The following GRIK2 variants were observed in gnomAD, a reference collection of about 807,000 sequenced individuals.
GRIK2 encodes glutamate receptor ionotropic, kainate 2.
Under a neutral mutation model 100.3 loss-of-function variants are expected in GRIK2, and 32 were observed. The ratio of observed to expected loss-of-function variants is 0.32; its 90% CI spans 0.24 to 0.43. The LOEUF is 0.43. GRIK2 is among the 20% of genes least tolerant of loss of function. The pLI, the probability that GRIK2 is intolerant of heterozygous loss-of-function variation, is 1.00. For missense variants in GRIK2, 843 were observed against 1,114.9 expected, an observed-to-expected ratio of 0.76 and a Z score of 3.47; for synonymous variants, 417 against 389.4, an observed-to-expected ratio of 1.07 and a Z score of -0.83.
At chr6:102,044,522 A>G (rs1419966170) in intron 15 of GRIK2, among the ~76,000 whole-genome samples, 1 of 151,998 alleles carries the variant, frequency 6.6e-6, no homozygotes, top group Admixed American at 6.6e-5. Context: ...GAGAAAAATG[A>G]GAAAAATGCA....
At chr6:101,633,670 TA>T (rs1245197444) in intron 4 of GRIK2, among the ~76,000 whole-genome samples, 1 of 152,182 alleles carries the variant, frequency 6.6e-6, no homozygotes, top group Non-Finnish European at 1.5e-5. Flanking sequence ...AAAAATAAGA[TA>T]AAATAATCAA....
intron 7 of GRIK2, among the ~76,000 whole-genome samples, chr6:101,784,538 A>T (rs377412486): frequency 5.4e-4 from 82 of 152,240 alleles, no homozygotes; most frequent in East Asian, 4.1e-3. Flanking sequence ...AGTACATGAG[A>T]TTTGTGAGGG....
intron 10 of GRIK2, among the ~76,000 whole-genome samples, chr6:101,848,426 A>G (rs1292548867): frequency 2.6e-5 from 4 of 152,164 alleles, no homozygotes; most frequent in Non-Finnish European, 4.4e-5. Flanking sequence ...CTTTAAAGGA[A>G]AAAATTTGAA....
intron 11 of GRIK2, among the ~76,000 whole-genome samples, chr6:101,879,526 C>T (rs2128452570): frequency 6.6e-6 from 1 of 152,034 alleles, no homozygotes; most frequent in South Asian, 2.1e-4. Context: ...ACCCTGGACT[C>T]TATGCTTCTT....
At chr6:101,964,824 CAGG>C (rs1323894094) in intron 14 of GRIK2, among the ~76,000 whole-genome samples, 1 of 152,094 alleles carries the variant, frequency 6.6e-6, no homozygotes, top group Non-Finnish European at 1.5e-5. Flanking sequence ...CACAATGAGT[CAGG>C]AGGACAGTTC....
At chr6:101,415,365 CTTTTTTTTT>C (rs55751504) in intron 2 of GRIK2, among the ~76,000 whole-genome samples, 2 of 100,740 alleles carry the variant, frequency 2.0e-5, no homozygotes, top group Non-Finnish European at 3.8e-5. Flanking sequence ...TTTTCCATAA[CTTTTTTTTT>C]TTTTTTTTTT....
chr6:101,770,394 G>C (rs898016164), intron 7 of GRIK2, among the ~76,000 whole-genome samples: 2 of 152,084 alleles, frequency 1.3e-5, no homozygotes, highest in Admixed American at 6.6e-5. Context: ...TATTTTTCCT[G>C]AGTAAAGTGT....
Position 101,488,293 on chromosome 6 carries a change from G to T in GRIK2, c.115+88901G>T, listed in dbSNP as rs949223040. Among the ~76,000 whole-genome samples, 22 of 146,676 alleles carry T rather than the reference G, an allele frequency of 1.5e-4. 2 individuals are homozygous for T. Among genetic ancestry groups the T allele is most frequent in the African/African-American group, 5.7e-4 (22 of 38,528 alleles). On this transcript the variant is annotated intron_variant, in intron 2 of 16. Transcript: ENST00000369134. ...TAGAAGTATAACTTCCATAGTTTAT[G>T]ACTCCCAAAGTCAATGCAATGTCTT... is the stretch of plus-strand genomic sequence containing the variant.
At chr6:101,965,537 T>TA (rs137942098) in intron 14 of GRIK2, among the ~76,000 whole-genome samples, 2 of 152,048 alleles carry the variant, frequency 1.3e-5, no homozygotes, top group Non-Finnish European at 2.9e-5. Context: ...TTAGTCTTAA[T>TA]AAAAAAAGTA....
intron 15 of GRIK2, among the ~76,000 whole-genome samples, chr6:102,054,513 A>G (rs1771368694): frequency 6.6e-6 from 1 of 152,152 alleles, no homozygotes; most frequent in Non-Finnish European, 1.5e-5. Context: ...CATGTGCTTC[A>G]ATATTTTTAT....
chr6:101,964,563 G>A (rs937569078), intron 14 of GRIK2, among the ~76,000 whole-genome samples: 1 of 152,128 alleles, frequency 6.6e-6, no homozygotes, highest in Non-Finnish European at 1.5e-5. Flanking sequence ...TGACCAGGGG[G>A]TCTCGCACAC....
intron 2 of GRIK2, among the ~76,000 whole-genome samples, chr6:101,491,824 CAT>C (rs1371737195): frequency 6.6e-6 from 1 of 151,756 alleles, no homozygotes; most frequent in East Asian, 1.9e-4. Flanking sequence ...GATGCTAAAT[CAT>C]ATAGTCATTG....
At chr6:101,399,704 C>T (rs994163579) in intron 2 of GRIK2, among the ~76,000 whole-genome samples, 2 of 152,222 alleles carry the variant, frequency 1.3e-5, no homozygotes, top group Non-Finnish European at 2.9e-5. Context: ...GCCTGTCTCC[C>T]CCGGCGCCCT....
intron 11 of GRIK2, among the ~76,000 whole-genome samples, chr6:101,882,996 A>C (rs576159943): frequency 1.3e-5 from 2 of 151,876 alleles, no homozygotes; most frequent in African/African-American, 4.8e-5. Context: ...CATGCACATA[A>C]AAAATCTCAT....
chr6:102,022,419 A>G (rs1223959974), intron 14 of GRIK2, among the ~76,000 whole-genome samples: 1 of 151,728 alleles, frequency 6.6e-6, no homozygotes, highest in African/African-American at 2.4e-5. Context: ...CTGGTTTCCT[A>G]GTTACTTTTG....
intron 14 of GRIK2, among the ~76,000 whole-genome samples, chr6:101,933,360 T>G (rs1790407754): frequency 6.6e-6 from 1 of 151,936 alleles, no homozygotes; most frequent in South Asian, 2.1e-4. Context: ...CTTGCTGTTG[T>G]ACTGATTACT....
chr6:101,447,038 G>C (rs1770419630), intron 2 of GRIK2, among the ~76,000 whole-genome samples: 1 of 147,284 alleles, frequency 6.8e-6, no homozygotes, highest in African/African-American at 2.5e-5. Flanking sequence ...TTTTATATGT[G>C]TGTATATATT....
chr6:101,651,279 A>C (rs2128328470), intron 4 of GRIK2, among the ~76,000 whole-genome samples: 1 of 152,152 alleles, frequency 6.6e-6, no homozygotes, highest in South Asian at 2.1e-4. Flanking sequence ...TGTAACATAT[A>C]ATTTATTTTT....
At chr6:101,856,972 A>C (rs1213777911) in intron 10 of GRIK2, among the ~76,000 whole-genome samples, 3 of 152,218 alleles carry the variant, frequency 2.0e-5, no homozygotes, top group Non-Finnish European at 2.9e-5. Context: ...CAGTAGTCAA[A>C]TATTTGAAAA....
Sources: allele counts gnomAD v4.1 joint callset (sites outside exome capture counted in the v4.1 genomes callset), GRCh38; gene constraint gnomAD v4.1.1; transcripts MANE v1.5; gene names NCBI Gene and HGNC (gene_info 2026-07-23, HGNC 2026-07-21).